The following ZFHX3 variants were observed in gnomAD, a reference collection of about 807,000 sequenced individuals.
ZFHX3 encodes the protein zinc finger homeobox protein 3.
A neutral mutation model predicts 279.1 loss-of-function variants in ZFHX3; 42 were observed. That is an observed-to-expected ratio of 0.15 (90% CI 0.12 to 0.19). The LOEUF is 0.19. Among genes scored for constraint, ZFHX3 ranks in the 10% least tolerant of loss-of-function variants. The probability of loss-of-function intolerance (pLI) is 1.00; values close to 1 mark genes in which losing one functional copy is unlikely to be tolerated. For synonymous variants in ZFHX3, 2,293 were observed against 1,957.8 expected (o/e 1.17, Z -4.52); for missense variants, 4,981 against 4,754.0 (o/e 1.05, Z -1.40).
intron 2 of ZFHX3, among the ~76,000 whole-genome samples, chr16:73,599,052 C>T (rs537349188): frequency 2.0e-4 from 30 of 152,330 alleles, no homozygotes; most frequent in Admixed American, 3.3e-4. Flanking sequence ...TGAGCCACCA[C>T]GCCCGGCCTT....
chr16:72,843,924 T>C (rs2037412821), intron 4 of ZFHX3, among the ~76,000 whole-genome samples: 1 of 152,136 alleles, frequency 6.6e-6, no homozygotes, highest in Non-Finnish European at 1.5e-5. Flanking sequence ...CCTGTTAACT[T>C]CCTGCCCAGT....
intron 1 of ZFHX3, among the ~76,000 whole-genome samples, chr16:73,847,410 T>A (rs1275397712): frequency 6.6e-6 from 1 of 152,164 alleles, no homozygotes; most frequent in Non-Finnish European, 1.5e-5. Context: ...GGAAAATGCA[T>A]TCCCATGAGA....
At chr16:73,466,028 C>T (rs548764887) in intron 2 of ZFHX3, among the ~76,000 whole-genome samples, 190 of 151,728 alleles carry the variant, frequency 1.3e-3, no homozygotes, top group African/African-American at 4.3e-3. Context: ...ACAAGAATGT[C>T]GGTGAACCCT....
At chr16:73,664,474 G>A (rs781623447) in intron 2 of ZFHX3, among the ~76,000 whole-genome samples, 1 of 152,050 alleles carries the variant, frequency 6.6e-6, no homozygotes, top group East Asian at 1.9e-4. Context: ...TCAGAAACTT[G>A]CTTTTTATAA....
chr16:73,036,929 C>T (rs1964928279), intron 1 of ZFHX3, among the ~76,000 whole-genome samples: 1 of 152,146 alleles, frequency 6.6e-6, no homozygotes, highest in African/African-American at 2.4e-5. Context: ...AAAAACACAC[C>T]CGCAAACTTC....
At chr16:73,175,104 G>C (rs2144871922) in intron 5 of ZFHX3, among the ~76,000 whole-genome samples, 1 of 152,078 alleles carries the variant, frequency 6.6e-6, no homozygotes, top group Middle Eastern at 3.4e-3. Flanking sequence ...ACTTGGCCTG[G>C]TGTGGTGGCT....
At chr16:72,838,852 C>T (rs1245092438) in intron 4 of ZFHX3, among the ~76,000 whole-genome samples, 1 of 151,662 alleles carries the variant, frequency 6.6e-6, no homozygotes. Flanking sequence ...CAAAGCACAA[C>T]GGAACGAAAT....
chr16:72,888,024 A>C (rs1252641853), intron 4 of ZFHX3, among the ~76,000 whole-genome samples: 1 of 152,096 alleles, frequency 6.6e-6, no homozygotes, highest in African/African-American at 2.4e-5. Flanking sequence ...CCAGGTAGAA[A>C]GCCAAGAGGT....
At position 73,602,324 on chromosome 16, in the gene ZFHX3, G is replaced by A. The variant is rs77587296; in HGVS notation, c.-1547+77856C>T. Among the ~76,000 whole-genome samples, 368 of 152,222 alleles carry A rather than the reference G, an allele frequency of 2.4e-3. 1 individual carries two copies. Among genetic ancestry groups the A allele is most frequent in the African/African-American group, 8.3e-3 (344 of 41,548 alleles). On this transcript the variant is annotated intron_variant, in intron 2 of 17. Coordinates refer to the ZFHX3 transcript ENST00000641206. ...AGTCCTAGAGATAAATGTATATCAC[G>A]CAGTGCTGAGACCGTATGAATACTA...
chr16:73,693,874 C>A (rs752453990), intron 1 of ZFHX3, among the ~76,000 whole-genome samples: 3 of 152,084 alleles, frequency 2.0e-5, no homozygotes, highest in African/African-American at 7.2e-5. Context: ...CTACAAATGG[C>A]TCTCGGGGTA....
At chr16:73,880,253 G>A (rs961940025) in intron 1 of ZFHX3, among the ~76,000 whole-genome samples, 1 of 152,136 alleles carries the variant, frequency 6.6e-6, no homozygotes, top group African/African-American at 2.4e-5. Flanking sequence ...CCGGCAGGCA[G>A]AGAGGTTTAG....
chr16:73,228,499 C>T (rs550811239), intron 5 of ZFHX3, among the ~76,000 whole-genome samples: 13 of 152,182 alleles, frequency 8.5e-5, no homozygotes, highest in South Asian at 2.1e-4. Context: ...CTCATCTCTA[C>T]GAAAAATACA....
intron 1 of ZFHX3, among the ~76,000 whole-genome samples, chr16:73,745,150 T>C (rs2053692596): frequency 6.6e-6 from 1 of 152,202 alleles, no homozygotes; most frequent in Non-Finnish European, 1.5e-5. Flanking sequence ...ACCCCATTCA[T>C]CACAGACTTT....
chr16:72,811,510 GCC>G, intron 7 of ZFHX3, 65 bp downstream of exon 7: 1 of 1,403,084 alleles, frequency 7.1e-7, no homozygotes. Context: ...ACAGTATCTT[GCC>G]CATGTTACTG....
At chr16:72,922,934 A>G (rs1005109218) in intron 3 of ZFHX3, among the ~76,000 whole-genome samples, 12 of 152,134 alleles carry the variant, frequency 7.9e-5, no homozygotes, top group African/African-American at 2.9e-4. Flanking sequence ...AGATTAGAGC[A>G]CTAAGTCCAT....
chr16:73,089,903 C>A (rs976810981), intron 8 of ZFHX3, among the ~76,000 whole-genome samples: 5 of 152,196 alleles, frequency 3.3e-5, no homozygotes, highest in Non-Finnish European at 5.9e-5. Flanking sequence ...AGGCTAGTGG[C>A]CCCCAAGCTC....
chr16:73,135,412 C>A (rs139002185), intron 6 of ZFHX3, among the ~76,000 whole-genome samples: 1 of 152,170 alleles, frequency 6.6e-6, no homozygotes, highest in Non-Finnish European at 1.5e-5. Flanking sequence ...GATTTATTTT[C>A]TTTCGTGGAT....
chr16:73,394,572 C>T (rs188372758), intron 3 of ZFHX3, among the ~76,000 whole-genome samples: 138 of 152,282 alleles, frequency 9.1e-4, no homozygotes, highest in African/African-American at 2.8e-3. Flanking sequence ...GCTGGGATTA[C>T]AGGTGTGAGC....
At chr16:73,208,046 T>A (rs1291321639) in intron 5 of ZFHX3, among the ~76,000 whole-genome samples, 1 of 152,098 alleles carries the variant, frequency 6.6e-6, no homozygotes, top group Non-Finnish European at 1.5e-5. Context: ...GGCGTTTGGA[T>A]GACAAAAGCC....
Sources: allele counts gnomAD v4.1 joint callset (sites outside exome capture counted in the v4.1 genomes callset), GRCh38; gene constraint gnomAD v4.1.1; transcripts MANE v1.5; gene names NCBI Gene and HGNC (gene_info 2026-07-23, HGNC 2026-07-21).